SGCZ: variants seen among roughly 807,000 people sequenced by gnomAD.
The protein encoded by SGCZ is zeta-sarcoglycan.
In SGCZ, 40 loss-of-function variants were observed where a neutral mutation model predicts 41.3. The ratio of observed to expected loss-of-function variants is 0.97; its 90% confidence interval spans 0.75 to 1.26. The LOEUF is 1.26. SGCZ is among the 50% of genes most tolerant of loss of function. The pLI, the probability that SGCZ is intolerant of heterozygous loss-of-function variation, is 0.00. For synonymous variants in SGCZ, 206 were observed against 137.5 expected, an observed-to-expected ratio of 1.50 and a Z score of -3.49; for missense variants, 552 against 369.8, an observed-to-expected ratio of 1.49 and a Z score of -4.04.
chr8:14,173,799 T>G (rs961674820), intron 4 of SGCZ, among the ~76,000 whole-genome samples: 6 of 152,134 alleles, frequency 3.9e-5, no homozygotes, highest in African/African-American at 1.4e-4. Context: ...TATCAATAAT[T>G]GCATTTTAAA....
intron 4 of SGCZ, 61 bp downstream of exon 4, chr8:14,237,531 C>G: frequency 6.7e-7 from 1 of 1,490,938 alleles, no homozygotes; most frequent in South Asian, 1.2e-5. Flanking sequence ...AACCAAAAAC[C>G]AAAAACAACA....
intron 1 of SGCZ, among the ~76,000 whole-genome samples, chr8:14,983,490 C>T (rs1801737106): frequency 6.6e-6 from 1 of 152,002 alleles, no homozygotes; most frequent in South Asian, 2.1e-4. Flanking sequence ...AGTGGTCCTC[C>T]CACCTCAGCC....
intron 1 of SGCZ, among the ~76,000 whole-genome samples, chr8:14,969,456 C>A (rs1801223942): frequency 6.6e-6 from 1 of 152,006 alleles, no homozygotes; most frequent in South Asian, 2.1e-4. Flanking sequence ...AGCCGTATCA[C>A]CACAATCTAG....
intron 1 of SGCZ, among the ~76,000 whole-genome samples, chr8:15,064,670 C>A (rs1413577846): frequency 6.6e-6 from 1 of 151,992 alleles, no homozygotes; most frequent in Non-Finnish European, 1.5e-5. Flanking sequence ...ATAATTGCTT[C>A]TTTGTCCCTC....
intron 1 of SGCZ, among the ~76,000 whole-genome samples, chr8:15,036,624 A>G: frequency 6.6e-6 from 1 of 152,202 alleles, no homozygotes; most frequent in East Asian, 1.9e-4. Flanking sequence ...AAGTAGAGGA[A>G]CTAATGGCCT....
At chr8:15,211,465 T>G (rs1200594366) in intron 1 of SGCZ, among the ~76,000 whole-genome samples, 1 of 152,132 alleles carries the variant, frequency 6.6e-6, no homozygotes, top group Non-Finnish European at 1.5e-5. Flanking sequence ...TCCTTCATTA[T>G]CTACCCAACC....
chr8:14,539,316 C>G (rs1397994201), intron 2 of SGCZ, among the ~76,000 whole-genome samples: 2 of 151,814 alleles, frequency 1.3e-5, no homozygotes, highest in African/African-American at 4.8e-5. Context: ...TATATACATC[C>G]TATTGCTTCT....
intron 1 of SGCZ, among the ~76,000 whole-genome samples, chr8:15,015,214 G>C (rs1339669449): frequency 6.6e-6 from 1 of 151,812 alleles, no homozygotes; most frequent in Admixed American, 6.6e-5. Flanking sequence ...CTGCACTCCA[G>C]CCTGAGAAAC....
intron 1 of SGCZ, among the ~76,000 whole-genome samples, chr8:15,048,107 G>T (rs765202058): frequency 2.0e-5 from 3 of 151,996 alleles, no homozygotes; most frequent in Non-Finnish European, 4.4e-5. Context: ...CAGAATGAAT[G>T]AAGAAAATGT....
intron 2 of SGCZ, among the ~76,000 whole-genome samples, chr8:14,353,892 T>G (rs1243988226): frequency 6.6e-6 from 1 of 152,096 alleles, no homozygotes; most frequent in African/African-American, 2.4e-5. Context: ...AGTTTATTCC[T>G]ATAACCACCC....
At chr8:14,709,250 C>A (rs1809437257) in intron 1 of SGCZ, among the ~76,000 whole-genome samples, 1 of 152,152 alleles carries the variant, frequency 6.6e-6, no homozygotes, top group Non-Finnish European at 1.5e-5. Flanking sequence ...GTATCAAATT[C>A]TCAGATAACA....
At chr8:14,992,305 A>G (rs2130896380) in intron 1 of SGCZ, among the ~76,000 whole-genome samples, 1 of 142,642 alleles carries the variant, frequency 7.0e-6, no homozygotes, top group South Asian at 2.3e-4. Flanking sequence ...TAATGTTGGC[A>G]TTGATATTTA....
intron 1 of SGCZ, among the ~76,000 whole-genome samples, chr8:15,220,529 C>T (rs537913209): frequency 2.3e-4 from 35 of 152,110 alleles, no homozygotes; most frequent in Middle Eastern, 3.4e-3. Flanking sequence ...AGTTTCAGGA[C>T]GATTTAGACT....
intron 1 of SGCZ, among the ~76,000 whole-genome samples, chr8:15,004,296 G>A (rs2130915148): frequency 6.6e-6 from 1 of 152,228 alleles, no homozygotes; most frequent in East Asian, 1.9e-4. Context: ...GCAGTCATTA[G>A]GTAGAATGTG....
chr8:14,616,432 C>T (rs1019374743), intron 1 of SGCZ, among the ~76,000 whole-genome samples: 1 of 152,082 alleles, frequency 6.6e-6, no homozygotes, highest in Non-Finnish European at 1.5e-5. Flanking sequence ...TATAATTACT[C>T]TATTTTTGTA....
At chr8:15,216,264 G>T (rs1290224269) in intron 1 of SGCZ, among the ~76,000 whole-genome samples, 4 of 132,254 alleles carry the variant, frequency 3.0e-5, no homozygotes, top group Non-Finnish European at 6.1e-5. Context: ...CTGTCATCCA[G>T]GCTGGAGTGC....
At chr8:15,236,047 G>T (rs1221082412) in intron 1 of SGCZ, among the ~76,000 whole-genome samples, 3 of 152,132 alleles carry the variant, frequency 2.0e-5, no homozygotes, top group Admixed American at 1.3e-4. Flanking sequence ...TATGATCTTG[G>T]CAAAAACACA....
intron 1 of SGCZ, among the ~76,000 whole-genome samples, chr8:14,571,518 G>A (rs974085772): frequency 1.3e-5 from 2 of 152,052 alleles, no homozygotes; most frequent in Admixed American, 6.6e-5. Context: ...CAAAGCACAT[G>A]CTCCAAAACT....
At position 14,133,193 on chromosome 8, in the gene SGCZ, C is replaced by A. The variant is rs140974618; in HGVS notation, c.548-24958G>T. ...TTGTGAACATGTATCTTGCCCTAAG[C>A]ATATGTGCAGCTTTCTCAATCGCCC... On this transcript the variant is annotated intron_variant, in intron 5 of 7. Transcript: ENST00000382080. Among the ~76,000 whole-genome samples, 846 of 152,310 alleles carry A rather than the reference C, an allele frequency of 5.6e-3. 6 individuals are homozygous for A. The highest frequency in any genetic ancestry group is 0.019 in the African/African-American group (805 of 41,582).
Sources: gnomAD v4.1 joint callset for allele counts (sites outside exome capture counted in the v4.1 genomes callset) on GRCh38, gnomAD v4.1.1 for gene constraint, MANE v1.5 for transcripts, NCBI Gene and HGNC (gene_info 2026-07-23, HGNC 2026-07-21) for gene names.